STRN: variants seen among roughly 807,000 people sequenced by gnomAD.
The protein encoded by STRN is striatin, also known as protein phosphatase 2 regulatory subunit B'''alpha.
STRN carries 53 observed loss-of-function variants against 96.3 expected under a neutral mutation model. The ratio of observed to expected loss-of-function variants is 0.55; its 90% CI spans 0.44 to 0.69. The LOEUF is 0.69. Ranked by LOEUF, STRN falls within the 30% of genes least tolerant of loss-of-function variation. STRN has a pLI of 0.00. For missense variants in STRN, 987 were observed against 963.9 expected, an observed-to-expected ratio of 1.02 and a Z score of -0.32; for synonymous variants, 428 against 355.9, an observed-to-expected ratio of 1.20 and a Z score of -2.28.
intron 10 of STRN, among the ~76,000 whole-genome samples, chr2:36,870,454 C>T (rs1214923391): frequency 2.0e-5 from 3 of 152,112 alleles, no homozygotes; most frequent in Non-Finnish European, 4.4e-5. Flanking sequence ...AGCAAAAGTA[C>T]AATCATGTGC....
At position 36,855,279 on chromosome 2, in the gene STRN, T is replaced by A; in HGVS notation, c.1911A>T (p.Gly637=). ...TTTCCATGTTAAAAATGCTTGTATA[T>A]CCCTTGCTGAATGATGCTACCATAT... The part of the protein sequence containing the change: ...PSHMVASFSK[G]YTSIFNMETQ... The change falls in exon 15 of 18, where the codon GGA becomes GGT. Residue 637 remains glycine (G), a synonymous_variant. Coordinates refer to ENST00000263918, the MANE Select transcript of STRN (RefSeq NM_003162.4). The A allele has an allele frequency of 1.2e-6, 2 of 1,613,986 alleles. No homozygotes were observed. The highest frequency in any genetic ancestry group is 1.7e-6 in the Non-Finnish European group (2 of 1,179,870).
chr2:36,944,744 C>T (rs1227602227), intron 1 of STRN, among the ~76,000 whole-genome samples: 2 of 151,898 alleles, frequency 1.3e-5, no homozygotes, highest in African/African-American at 2.4e-5. Context: ...AGATGGAATA[C>T]AAAGGATAGA....
intron 1 of STRN, among the ~76,000 whole-genome samples, chr2:36,946,344 G>A (rs910837744): frequency 4.6e-5 from 7 of 152,180 alleles, no homozygotes; most frequent in African/African-American, 1.2e-4. Context: ...CAGCAGCAGA[G>A]CTTTCCCATG....
At chr2:36,963,749 T>C (rs1665085508) in intron 1 of STRN, among the ~76,000 whole-genome samples, 1 of 152,024 alleles carries the variant, frequency 6.6e-6, no homozygotes, top group Non-Finnish European at 1.5e-5. Flanking sequence ...CTGAGGTCAG[T>C]AGTTCAAGAC....
At chr2:36,958,973 G>C (rs1282004789) in intron 1 of STRN, among the ~76,000 whole-genome samples, 1 of 152,070 alleles carries the variant, frequency 6.6e-6, no homozygotes, top group African/African-American at 2.4e-5. Context: ...AAAATTAGCA[G>C]GGCATGGTGG....
intron 2 of STRN, among the ~76,000 whole-genome samples, chr2:36,916,998 A>G (rs1387279905): frequency 1.3e-5 from 2 of 151,526 alleles, no homozygotes. Flanking sequence ...TAAATATTCA[A>G]TGTGTTAAGA....
In STRN at chr2:36,936,272, G is replaced by C. The variant is rs137940304; in HGVS notation, c.235-11064C>G. Among the ~76,000 whole-genome samples, 3 of 152,148 alleles carry C rather than the reference G, an allele frequency of 2.0e-5. No homozygotes were observed. In the South Asian group the frequency reaches 6.2e-4, roughly 32 times the overall value. On this transcript the variant is annotated intron_variant, in intron 1 of 17. Coordinates refer to ENST00000263918, the MANE Select transcript of STRN (RefSeq NM_003162.4). ...TGTGCTGTCCTTAGTATATGAAGAT[G>C]TAATTACTGTAGTAACAATAAAAAC...
intron 3 of STRN, among the ~76,000 whole-genome samples, chr2:36,905,876 C>T (rs776963995): frequency 3.3e-5 from 5 of 152,076 alleles, no homozygotes; most frequent in Non-Finnish European, 5.9e-5. Context: ...TTTAACTAGA[C>T]TAAGAATTTT....
rs1449420025 is a variant in STRN at position 36,917,490 on chromosome 2, C to T, written c.339-1339G>A. Among the ~76,000 whole-genome samples, 4 of 146,764 alleles carry T rather than the reference C, an allele frequency of 2.7e-5. No homozygotes were observed. The East Asian group carries it at 7.9e-4, about 29-fold the overall frequency. On this transcript the variant is annotated intron_variant, in intron 2 of 17. Coordinates refer to ENST00000263918, the MANE Select transcript of STRN (RefSeq NM_003162.4). ...AGTGAGCCAAGATCATGCCACTGCA[C>T]TCCAGCCTGAGTGACACAGTGAGAC... is the stretch of plus-strand genomic sequence containing the variant.
chr2:36,864,964 C>G (rs1448912888), intron 12 of STRN, among the ~76,000 whole-genome samples: 1 of 152,222 alleles, frequency 6.6e-6, no homozygotes, highest in Non-Finnish European at 1.5e-5. Flanking sequence ...ATCTACCCAC[C>G]TTGACCTCCC....
chr2:36,904,035 T>G (rs560835889), intron 4 of STRN, among the ~76,000 whole-genome samples: 2 of 152,258 alleles, frequency 1.3e-5, no homozygotes, highest in East Asian at 3.9e-4. Flanking sequence ...CTCAGAAGAG[T>G]TGATTATGGG....
chr2:36,934,495 C>T (rs1209478775), intron 1 of STRN, among the ~76,000 whole-genome samples: 4 of 152,058 alleles, frequency 2.6e-5, no homozygotes, highest in East Asian at 1.9e-4. Flanking sequence ...TCTTCTATAA[C>T]GTATGATTTT....
In STRN at chr2:36,839,371, T is replaced by C. The variant is rs1667894000; in HGVS notation, c.*10085A>G. 6.6e-6 allele frequency among the ~76,000 whole-genome samples: 1 copy of C among 152,184 alleles called. No individual in the cohort carries two copies. Among genetic ancestry groups the C allele is most frequent in the South Asian group, 2.1e-4 (1 of 4,824 alleles). ...CAACTAGAACTGTGTGGCATATAGC[T>C]GGCACTCAAATATTAAGGAAAGTAG... On this transcript the variant is annotated 3_prime_UTR_variant, in exon 18 of 18. Coordinates refer to ENST00000263918, the MANE Select transcript of STRN (RefSeq NM_003162.4).
At chr2:36,856,437 A>G (rs977066139) in intron 14 of STRN, among the ~76,000 whole-genome samples, 6 of 152,244 alleles carry the variant, frequency 3.9e-5, no homozygotes, top group Non-Finnish European at 8.8e-5. Flanking sequence ...ATTATGGCTT[A>G]ATGAAATACT....
At chr2:36,931,496 G>A (rs1409100074) in intron 1 of STRN, among the ~76,000 whole-genome samples, 2 of 152,120 alleles carry the variant, frequency 1.3e-5, no homozygotes, top group South Asian at 2.1e-4. Context: ...ACTAATAAAC[G>A]AGGATTCAAG....
chr2:36,964,185 CGG>C (rs58092417), intron 1 of STRN, among the ~76,000 whole-genome samples: 2 of 78,362 alleles, frequency 2.6e-5, no homozygotes, highest in African/African-American at 1.2e-4. Context: ...CGGGGCGGGG[CGG>C]GGGGAAGGAT....
chr2:36,913,549 G>A (rs538549765), intron 3 of STRN, among the ~76,000 whole-genome samples: 17 of 152,106 alleles, frequency 1.1e-4, no homozygotes, highest in Non-Finnish European at 2.1e-4. Context: ...GTGCTACTGC[G>A]CTCAATAGCA....
In STRN at chr2:36,960,616, T is replaced by C. The variant is rs1262556850; in HGVS notation, c.234+5614A>G. 4.6e-5 allele frequency among the ~76,000 whole-genome samples: 7 copies of C among 152,346 alleles called. No homozygotes were observed. The East Asian group carries it at 1.3e-3, about 29-fold the overall frequency. ...TTAATTCTCACAAGGTAATTTATTA[T>C]CCTTAACTTACACATGAGAAAACTA... On this transcript the variant is annotated intron_variant, in intron 1 of 17. Transcript: ENST00000263918.
At chr2:36,879,113 C>A (rs551552891) in intron 9 of STRN, among the ~76,000 whole-genome samples, 50 of 151,754 alleles carry the variant, frequency 3.3e-4, no homozygotes, top group African/African-American at 1.2e-3. Context: ...CTCTATGGCC[C>A]AGGCTGGAGT....
Sources: gnomAD v4.1 joint callset for allele counts (sites outside exome capture counted in the v4.1 genomes callset) on GRCh38, gnomAD v4.1.1 for gene constraint, MANE v1.5 for transcripts, NCBI Gene and HGNC (gene_info 2026-07-23, HGNC 2026-07-21) for gene names.